ATF7: variants seen among roughly 807,000 people sequenced by gnomAD.
ATF7 encodes the protein activating transcription factor 7.
ATF7 carries 10 observed loss-of-function variants against 50.4 expected under a neutral mutation model. The ratio of observed to expected loss-of-function variants is 0.20; its 90% CI spans 0.12 to 0.34. The LOEUF is 0.34. ATF7 is among the 10% of genes least tolerant of loss of function. ATF7 has a pLI of 1.00. For missense variants in ATF7, 465 were observed against 613.9 expected, an observed-to-expected ratio of 0.76 and a Z score of 2.56; for synonymous variants, 201 against 226.4, an observed-to-expected ratio of 0.89 and a Z score of 1.01.
At position 53,516,895 on chromosome 12, in the gene ATF7, C is replaced by A; in HGVS notation, c.*242G>T. On this transcript the variant is annotated 3_prime_UTR_variant, in exon 12 of 12. Coordinates refer to ENST00000420353, the MANE Select transcript of ATF7 (RefSeq NM_006856.3). The stretch of plus-strand genomic sequence containing the variant: ...CTGGAAAGGCCTTTGGCTGTGGATG[C>A]ATCAGAAACCCCACCCTGGGGGATG... 1.8e-6 allele frequency: 1 copy of A among 559,470 alleles called. No individual in the cohort carries two copies. Among genetic ancestry groups the A allele is most frequent in the Non-Finnish European group, 3.2e-6 (1 of 310,946 alleles). The allele number at this position is 559,470 out of a possible 1,614,324, so 34.7% of individuals were successfully genotyped here. A position where few individuals can be genotyped will look rare whatever the true frequency, so the allele number is the denominator to read the frequency against.
chr12:53,616,706 G>C (rs1158861531), intron 1 of ATF7, among the ~76,000 whole-genome samples: 1 of 151,942 alleles, frequency 6.6e-6, no homozygotes, highest in South Asian at 2.1e-4. Flanking sequence ...ACTTTGGAAG[G>C]CTGAGGCGGG....
At position 53,532,575 on chromosome 12, in the gene ATF7, G is replaced by A. The variant is rs746579725; in HGVS notation, c.709C>T (p.Pro237Ser). ...MVPNIPGIPGPPVNSSGSISP... is the reference protein window; with the variant it reads ...MVPNIPGIPGSPVNSSGSISP... ...ATGGAGCCACTACTGTTAACTGGTG[G>A]GCCAGGGATACCAGGAATGTTGGGC... is the stretch of plus-strand genomic sequence containing the variant. Residue 237 changes from proline to serine, a missense_variant, in exon 8 of 12, where the codon CCA (proline) becomes TCA (serine). Physicochemically the swap from Pro to Ser is moderately conservative, Grantham distance 74 (BLOSUM62 -1). Coordinates refer to ENST00000420353, the MANE Select transcript of ATF7 (RefSeq NM_006856.3). The A allele has an allele frequency of 2.7e-5, 43 of 1,610,520 alleles. No homozygotes were observed. The highest frequency in any genetic ancestry group is 3.6e-5 in the Non-Finnish European group (43 of 1,178,572).
chr12:53,534,780 T>A (rs2137392982), intron 5 of ATF7, 121 bp from the exon 6 acceptor site: 4 of 1,134,262 alleles, frequency 3.5e-6, no homozygotes, highest in East Asian at 5.4e-5. Context: ...CATTAAATCA[T>A]GACCTGATTC....
intron 2 of ATF7, among the ~76,000 whole-genome samples, chr12:53,570,462 T>C (rs766623013): frequency 7.2e-5 from 11 of 152,182 alleles, no homozygotes; most frequent in Non-Finnish European, 1.3e-4. Flanking sequence ...CACTACAGTA[T>C]AGCAAATGCA....
Position 53,553,089 on chromosome 12 carries a change from C to A in ATF7, c.49-452G>T, listed in dbSNP as rs538623798. Among the ~76,000 whole-genome samples, 159 of 152,196 alleles carry A rather than the reference C, an allele frequency of 1.0e-3. 2 individuals carry two copies. Among genetic ancestry groups the A allele is most frequent in the African/African-American group, 2.1e-3 (89 of 41,532 alleles). ...GCTGAATTGGACTCTTTTATGAGGG[C>A]GCTAACAGGGAGATAAATTATGCAG... On this transcript the variant is annotated intron_variant, in intron 2 of 11. Coordinates refer to ENST00000420353, the MANE Select transcript of ATF7 (RefSeq NM_006856.3).
rs1371190139 is a variant in ATF7 at position 53,512,354 on chromosome 12, G to A, written c.*4783C>T. ...GCACTGCATCCTCCTACCTGTCAAA[G>A]GCCACCACTGGGCACTGGGGAGACC... On this transcript the variant is annotated 3_prime_UTR_variant, in exon 12 of 12. Coordinates refer to ENST00000420353, the MANE Select transcript of ATF7 (RefSeq NM_006856.3). 2 of 152,222 alleles carry A rather than the reference G, an allele frequency of 1.3e-5. No homozygotes were observed. Among genetic ancestry groups the A allele is most frequent in the Admixed American group, 1.3e-4 (2 of 15,290 alleles). The allele number at this position is 152,222 out of a possible 1,614,324, so 9.4% of individuals were successfully genotyped here.
At chr12:53,618,223 T>A (rs1944223295) in intron 1 of ATF7, among the ~76,000 whole-genome samples, 1 of 152,220 alleles carries the variant, frequency 6.6e-6, no homozygotes. Flanking sequence ...TCTTCCTGAT[T>A]CTTCAAGAGT....
chr12:53,508,810 AGG>A (rs1009612841), downstream of ATF7, among the ~76,000 whole-genome samples: 44 of 152,194 alleles, frequency 2.9e-4, no homozygotes, highest in African/African-American at 1.1e-3. Flanking sequence ...GGAAGTGAGG[AGG>A]GTGAGGCTGA....
chr12:53,561,845 C>T (rs546368116), intron 2 of ATF7, among the ~76,000 whole-genome samples: 17 of 152,186 alleles, frequency 1.1e-4, no homozygotes, highest in African/African-American at 4.1e-4. Flanking sequence ...AAAATACAAC[C>T]ACAGCAACAG....
At chr12:53,571,833 G>A (rs1357978276) in intron 2 of ATF7, among the ~76,000 whole-genome samples, 1 of 152,158 alleles carries the variant, frequency 6.6e-6, no homozygotes, top group Non-Finnish European at 1.5e-5. Flanking sequence ...TTGGGAGGCT[G>A]AGGCAGCCAG....
At chr12:53,517,921 G>C (rs973969691) in intron 11 of ATF7, among the ~76,000 whole-genome samples, 1 of 152,060 alleles carries the variant, frequency 6.6e-6, no homozygotes. Flanking sequence ...CTGGAGTGCA[G>C]TGGTGCAATC....
intron 4 of ATF7, among the ~76,000 whole-genome samples, chr12:53,540,461 C>T (rs1049817240): frequency 2.6e-5 from 4 of 151,660 alleles, no homozygotes; most frequent in East Asian, 1.9e-4. Flanking sequence ...CGGTGGCTCA[C>T]GCCTATAATC....
chr12:53,535,328 C>CAAAAAAAAAAAAAAAAAAAAAAAAAAAA (rs397938442), intron 5 of ATF7, among the ~76,000 whole-genome samples: 2 of 64,964 alleles, frequency 3.1e-5, no homozygotes, highest in Non-Finnish European at 6.4e-5. Context: ...GACTCTGCCT[C>CAAAAAAAAAAAAAAAAAAAAAAAAAAAA]AAAAAAAAAA....
chr12:53,613,727 C>T (rs897849008), intron 1 of ATF7, among the ~76,000 whole-genome samples: 1 of 151,758 alleles, frequency 6.6e-6, no homozygotes. Flanking sequence ...CACTATATTA[C>T]CCAGGCTAGT....
intron 9 of ATF7, among the ~76,000 whole-genome samples, chr12:53,526,346 G>A (rs541436036): frequency 1.0e-3 from 159 of 151,434 alleles, no homozygotes; most frequent in Non-Finnish European, 1.6e-3. Context: ...TCCTCAATGC[G>A]AAGATGATGA....
chr12:53,531,148 T>C (rs1289230252), intron 9 of ATF7, among the ~76,000 whole-genome samples: 1 of 151,750 alleles, frequency 6.6e-6, no homozygotes, highest in Non-Finnish European at 1.5e-5. Flanking sequence ...GGGCTGGGCA[T>C]GGTGGCTCAC....
chr12:53,592,575 A>G (rs946591468), intron 2 of ATF7, among the ~76,000 whole-genome samples: 1 of 152,246 alleles, frequency 6.6e-6, no homozygotes, highest in African/African-American at 2.4e-5. Flanking sequence ...GGTTAAATAG[A>G]TTCAACCCCC....
rs1288687542 is a variant in ATF7 at position 53,516,629 on chromosome 12, A to G, written c.*508T>C. 2 of 161,842 alleles carry G rather than the reference A, an allele frequency of 1.2e-5. No homozygotes were observed. The highest frequency in any genetic ancestry group is 2.8e-5 in the Non-Finnish European group (2 of 72,648). 10.0% of individuals were successfully genotyped at this position (161,842 alleles called of 1,614,324 possible). A position where few individuals can be genotyped will look rare whatever the true frequency, so the allele number is the denominator to read the frequency against. ...AAAGGAAACGGGTAAATAAGCAGCT[A>G]TGGGAGACCTGAGTCCTGAGTCCAT... On this transcript the variant is annotated 3_prime_UTR_variant, in exon 12 of 12. Transcript: ENST00000420353.
intron 3 of ATF7, among the ~76,000 whole-genome samples, chr12:53,548,488 C>T (rs550698444): frequency 4.6e-5 from 7 of 152,016 alleles, no homozygotes; most frequent in African/African-American, 7.2e-5. Context: ...TGCGCCACCA[C>T]ACCTGGCTAA....
Sources: gnomAD v4.1 joint callset for allele counts (sites outside exome capture counted in the v4.1 genomes callset) on GRCh38, gnomAD v4.1.1 for gene constraint, MANE v1.5 for transcripts, NCBI Gene and HGNC (gene_info 2026-07-23, HGNC 2026-07-21) for gene names.